Variants in GRM8 observed in about 807,000 individuals in gnomAD.
GRM8 encodes metabotropic glutamate receptor 8.
GRM8 carries 47 observed loss-of-function variants against 87.2 expected under a neutral mutation model. The observed-to-expected ratio is 0.54, with a 90% confidence interval of 0.43 to 0.69. GRM8 has a LOEUF of 0.69. GRM8 is among the 30% of genes least tolerant of loss of function. The pLI is 0.00. For missense variants in GRM8, 1,019 were observed against 1,139.2 expected (o/e 0.89, Z 1.52); for synonymous variants, 396 against 404.5 (o/e 0.98, Z 0.25).
At chr7:126,531,596 CA>C (rs1814829234) in intron 9 of GRM8, among the ~76,000 whole-genome samples, 2 of 152,188 alleles carry the variant, frequency 1.3e-5, no homozygotes, top group African/African-American at 2.4e-5. Flanking sequence ...CACTGCTCCT[CA>C]GGGGGCCTCT....
At chr7:126,604,174 A>G (rs993812781) in intron 8 of GRM8, among the ~76,000 whole-genome samples, 1 of 152,156 alleles carries the variant, frequency 6.6e-6, no homozygotes, top group Non-Finnish European at 1.5e-5. Flanking sequence ...ATTAAAATAA[A>G]TACTATACTA....
chr7:126,481,251 G>C lies in GRM8; in HGVS notation c.2431-34879C>G, dbSNP rs550643436. Reference sequence around the variant, plus strand: ...AGAAAATCATCACTAGAACATCACAGTAATAATTGCTATAGACAAGATCCA... The same window carrying C: ...AGAAAATCATCACTAGAACATCACACTAATAATTGCTATAGACAAGATCCA... On this transcript the variant is annotated intron_variant, in intron 9 of 10. Coordinates refer to ENST00000339582, the MANE Select transcript of GRM8 (RefSeq NM_000845.3). Among the ~76,000 whole-genome samples the C allele has an allele frequency of 5.9e-5, 9 of 152,124 alleles. No individual in the cohort carries two copies. In the South Asian group the frequency reaches 1.9e-3, roughly 32 times the overall value.
chr7:126,984,952 T>A (rs904015610), intron 3 of GRM8, among the ~76,000 whole-genome samples: 1 of 152,122 alleles, frequency 6.6e-6, no homozygotes, highest in Non-Finnish European at 1.5e-5. Flanking sequence ...TACCTGCATA[T>A]GCCTCATTTT....
At chr7:126,536,830 C>CACAAAACAAA (rs1254274844) in intron 8 of GRM8, among the ~76,000 whole-genome samples, 1 of 151,816 alleles carries the variant, frequency 6.6e-6, no homozygotes. Flanking sequence ...GCTCAAAAAA[C>CACAAAACAAA]ACAAAACAAA....
At chr7:127,086,015 G>A (rs190221516) in intron 3 of GRM8, among the ~76,000 whole-genome samples, 12 of 152,282 alleles carry the variant, frequency 7.9e-5, no homozygotes, top group East Asian at 1.9e-4. Flanking sequence ...TCAATAGAGC[G>A]GGCCCTCTGG....
chr7:126,948,611 T>C (rs1807804665), intron 3 of GRM8, among the ~76,000 whole-genome samples: 1 of 151,908 alleles, frequency 6.6e-6, no homozygotes, highest in African/African-American at 2.4e-5. Context: ...GAAGAGAAGA[T>C]GAGAGGACCC....
intron 9 of GRM8, among the ~76,000 whole-genome samples, chr7:126,476,975 TG>T (rs1376735517): frequency 1.3e-5 from 2 of 152,118 alleles, no homozygotes; most frequent in Admixed American, 1.3e-4. Flanking sequence ...AGCAGAGATA[TG>T]GAAATAACCT....
chr7:126,811,280 A>G (rs1454541191), intron 6 of GRM8, among the ~76,000 whole-genome samples: 1 of 152,014 alleles, frequency 6.6e-6, no homozygotes, highest in African/African-American at 2.4e-5. Flanking sequence ...GCTTTGTAGT[A>G]TAATTTGAAT....
intron 3 of GRM8, among the ~76,000 whole-genome samples, chr7:126,984,077 T>C (rs185546032): frequency 1.3e-3 from 198 of 152,374 alleles, no homozygotes; most frequent in South Asian, 7.3e-3. Flanking sequence ...TAAGATTTAT[T>C]GACTTCATAT....
At chr7:126,898,183 T>C (rs1187530504) in intron 6 of GRM8, among the ~76,000 whole-genome samples, 2 of 152,172 alleles carry the variant, frequency 1.3e-5, no homozygotes, top group Non-Finnish European at 2.9e-5. Context: ...TTATTGCAGG[T>C]AGTTAAAATG....
intron 3 of GRM8, among the ~76,000 whole-genome samples, chr7:126,986,318 C>A (rs990096863): frequency 6.6e-6 from 1 of 151,990 alleles, no homozygotes; most frequent in African/African-American, 2.4e-5. Flanking sequence ...GCTGTAATCC[C>A]AAGTCACTTT....
At chr7:126,524,716 G>T (rs1275345059) in intron 9 of GRM8, among the ~76,000 whole-genome samples, 2 of 150,872 alleles carry the variant, frequency 1.3e-5, no homozygotes, top group Admixed American at 1.3e-4. Context: ...TTTCTTTCTG[G>T]TTCTGACTTT....
intron 7 of GRM8, among the ~76,000 whole-genome samples, chr7:126,669,179 C>A (rs1409307989): frequency 1.3e-5 from 2 of 151,894 alleles, no homozygotes; most frequent in Admixed American, 1.3e-4. Flanking sequence ...GAGTCAGGGG[C>A]AAAAGGAAGG....
intron 6 of GRM8, among the ~76,000 whole-genome samples, chr7:126,889,197 G>T (rs964064421): frequency 6.6e-6 from 1 of 152,066 alleles, no homozygotes; most frequent in Non-Finnish European, 1.5e-5. Context: ...CAGGCATAAA[G>T]GTTGCAACCA....
At chr7:126,840,581 C>T (rs980955455) in intron 6 of GRM8, among the ~76,000 whole-genome samples, 1 of 151,978 alleles carries the variant, frequency 6.6e-6, no homozygotes, top group African/African-American at 2.4e-5. Context: ...ATACTTATGT[C>T]TTTGGACTTT....
At chr7:126,677,983 G>A (rs998995087) in intron 7 of GRM8, among the ~76,000 whole-genome samples, 5 of 152,170 alleles carry the variant, frequency 3.3e-5, no homozygotes, top group Non-Finnish European at 7.4e-5. Context: ...CTAGGGGCAT[G>A]GAAGAGGCAT....
intron 8 of GRM8, among the ~76,000 whole-genome samples, chr7:126,584,901 G>A (rs1317386736): frequency 6.6e-6 from 1 of 151,834 alleles, no homozygotes; most frequent in East Asian, 1.9e-4. Flanking sequence ...ACAATGGTAA[G>A]CAAAATAAGT....
At chr7:127,019,072 G>A (rs916292619) in intron 3 of GRM8, among the ~76,000 whole-genome samples, 2 of 152,002 alleles carry the variant, frequency 1.3e-5, no homozygotes, top group Non-Finnish European at 2.9e-5. Context: ...AGTGATCAAA[G>A]TAGGGATGAC....
intron 3 of GRM8, 29 bp from the exon 4 acceptor site, chr7:126,904,712 T>G: frequency 1.2e-6 from 2 of 1,605,648 alleles, no homozygotes; most frequent in African/African-American, 2.7e-5. Flanking sequence ...AGGTGGTGAT[T>G]CAGAAAGAGC....
Sources: gnomAD v4.1 joint callset for allele counts (sites outside exome capture counted in the v4.1 genomes callset) on GRCh38, gnomAD v4.1.1 for gene constraint, MANE v1.5 for transcripts, NCBI Gene and HGNC (gene_info 2026-07-23, HGNC 2026-07-21) for gene names.